Variants in PCNX2 observed in about 807,000 individuals in gnomAD.
PCNX2 encodes pecanex 2, also known as pecanex-like protein 2.
PCNX2 carries 168 observed loss-of-function variants against 223.8 expected under a neutral mutation model. The observed-to-expected ratio is 0.75, with a 90% CI of 0.66 to 0.85. The LOEUF (loss-of-function observed/expected upper bound fraction) is 0.85, where lower values mean the gene tolerates loss of function less well. Among genes scored for constraint, PCNX2 ranks in the 40% least tolerant of loss-of-function variants. PCNX2 has a pLI of 0.00. For missense variants in PCNX2, 2,507 were observed against 2,675.5 expected, an observed-to-expected ratio of 0.94 and a Z score of 1.39; for synonymous variants, 1,006 against 1,052.6, an observed-to-expected ratio of 0.96 and a Z score of 0.86.
chr1:233,066,055 TCAGC>T (rs1672594366), intron 23 of PCNX2, among the ~76,000 whole-genome samples: 1 of 152,216 alleles, frequency 6.6e-6, no homozygotes, highest in African/African-American at 2.4e-5. Flanking sequence ...AACCCTGGAC[TCAGC>T]CACACTTTGG....
At chr1:233,288,778 G>C (rs181341470) in intron 1 of PCNX2, 124 of 653,114 alleles carry the variant, frequency 1.9e-4, no homozygotes, top group Middle Eastern at 8.4e-4. Flanking sequence ...AGTTCTTTTG[G>C]AGGCCCAGGA....
Position 233,014,386 on chromosome 1 carries a change from C to T in PCNX2, c.4952+279G>A, listed in dbSNP as rs575534692. Among the ~76,000 whole-genome samples the T allele has an allele frequency of 3.3e-5, 5 of 152,200 alleles. No homozygotes were observed. In the South Asian group the frequency reaches 8.3e-4, roughly 25 times the overall value. ...GCATGATTTCATTGAATCTTCCCAG[C>T]GAATCTGCAAGGACTTCTGTAACAC... is the stretch of plus-strand genomic sequence containing the variant. On this transcript the variant is annotated intron_variant, in intron 28 of 33. Coordinates refer to ENST00000258229, the MANE Select transcript of PCNX2 (RefSeq NM_014801.4).
chr1:233,024,397 C>T (rs543583738), intron 26 of PCNX2, among the ~76,000 whole-genome samples: 7 of 152,296 alleles, frequency 4.6e-5, no homozygotes, highest in African/African-American at 1.7e-4. Flanking sequence ...GGTGACGTTC[C>T]TGTGGTCCAT....
intron 19 of PCNX2, among the ~76,000 whole-genome samples, chr1:233,155,403 T>C (rs1357053832): frequency 6.6e-6 from 1 of 152,214 alleles, no homozygotes; most frequent in East Asian, 1.9e-4. Context: ...TACATCTTAG[T>C]CATTCCTACG....
chr1:233,220,872 T>A (rs1657334094), intron 10 of PCNX2, among the ~76,000 whole-genome samples: 1 of 152,230 alleles, frequency 6.6e-6, no homozygotes, highest in Non-Finnish European at 1.5e-5. Flanking sequence ...GGACTTTTTA[T>A]ATATAATTTC....
chr1:233,139,930 T>A lies in PCNX2; in HGVS notation c.3518-75A>T. On this transcript the variant is annotated intron_variant, in intron 19 of 33. Coordinates refer to ENST00000258229, the MANE Select transcript of PCNX2 (RefSeq NM_014801.4). This position sits in a 1 kb window ranked among gnomAD's most constrained non-coding sequence, Gnocchi z 4.4. The stretch of plus-strand genomic sequence containing the variant: ...TTCTTTAAGTACAGGTAATAATAAG[T>A]AATATTCCCCCCCTTTAATTCAAAA... The A allele has an allele frequency of 6.6e-7, 1 of 1,504,180 alleles. No individual in the cohort carries two copies. Among genetic ancestry groups the A allele is most frequent in the Non-Finnish European group, 9.0e-7 (1 of 1,115,974 alleles). The allele number at this position is 1,504,180 out of a possible 1,614,324, so 93.2% of individuals were successfully genotyped here. A position where few individuals can be genotyped will look rare whatever the true frequency, so the allele number is the denominator to read the frequency against.
intron 21 of PCNX2, among the ~76,000 whole-genome samples, chr1:233,117,524 C>A (rs970699566): frequency 6.6e-6 from 1 of 150,428 alleles, no homozygotes; most frequent in African/African-American, 2.4e-5. Context: ...AGGCGTGAAC[C>A]CGGGAGGCGG....
At chr1:233,265,717 G>T (rs1020319839) in intron 1 of PCNX2, among the ~76,000 whole-genome samples, 6 of 152,064 alleles carry the variant, frequency 3.9e-5, no homozygotes, top group Admixed American at 3.9e-4. Context: ...TTAATAACAG[G>T]GGGGTCCATT....
At chr1:233,067,221 G>A (rs1024726442) in intron 23 of PCNX2, among the ~76,000 whole-genome samples, 2 of 151,080 alleles carry the variant, frequency 1.3e-5, no homozygotes, top group Non-Finnish European at 2.9e-5. Flanking sequence ...CAAACAGGAA[G>A]ACCTCAAAAT....
intron 17 of PCNX2, among the ~76,000 whole-genome samples, chr1:233,171,392 T>A (rs1180508444): frequency 6.6e-6 from 1 of 152,184 alleles, no homozygotes; most frequent in African/African-American, 2.4e-5. Context: ...AATGAGGGTC[T>A]CTGAGCTTTT....
the PCNX2 span, among the ~76,000 whole-genome samples, chr1:233,300,811 C>G: frequency 6.6e-6 from 1 of 152,154 alleles, no homozygotes; most frequent in South Asian, 2.1e-4. Context: ...TCCACCCCAG[C>G]CTCTGTCTTG....
Position 233,095,737 on chromosome 1 carries a change from T to A in PCNX2, c.3946+18A>T. On this transcript the variant is annotated intron_variant, in intron 22 of 33. Transcript: ENST00000258229. ...GTGAATCTCAGCTGGAGGGTGAAAA[T>A]AGAAGCAGAAAGGATACGAGGAATG... 1 of 1,558,104 alleles carries A rather than the reference T, an allele frequency of 6.4e-7. No homozygotes were observed. The highest frequency in any genetic ancestry group is 8.8e-7 in the Non-Finnish European group (1 of 1,137,868).
intron 1 of PCNX2, among the ~76,000 whole-genome samples, chr1:233,264,404 A>T (rs975345611): frequency 6.6e-6 from 1 of 152,234 alleles, no homozygotes; most frequent in Non-Finnish European, 1.5e-5. Context: ...GCTTGCAGAC[A>T]GCAGGGCCCA....
intron 9 of PCNX2, among the ~76,000 whole-genome samples, chr1:233,236,306 T>C (rs746810141): frequency 1.2e-4 from 18 of 152,136 alleles, no homozygotes; most frequent in Non-Finnish European, 2.2e-4. Flanking sequence ...CCCAAGAGTC[T>C]CATTAAAGGT....
intron 26 of PCNX2, among the ~76,000 whole-genome samples, chr1:233,020,743 T>C (rs1443812760): frequency 2.6e-5 from 4 of 152,212 alleles, no homozygotes; most frequent in Non-Finnish European, 5.9e-5. Flanking sequence ...AAGCGGGTTT[T>C]AAACACTAAT....
rs779973030 is a variant in PCNX2 at position 233,217,950 on chromosome 1, G to A, written c.2659-19C>T. 1.2e-6 allele frequency: 2 copies of A among 1,613,644 alleles called. No homozygotes were observed. The highest frequency in any genetic ancestry group is 2.2e-5 in the East Asian group (1 of 44,866). ...GAACACTCTAAAACACAAATCAGAA[G>A]TGTCTGTGTCATCATCTCATGATTT... On this transcript the variant is annotated intron_variant, in intron 11 of 33. Transcript: ENST00000258229.
intron 19 of PCNX2, 150 bp from the exon 20 acceptor site, chr1:233,140,005 C>G (rs1242958664): frequency 2.2e-6 from 2 of 917,770 alleles, no homozygotes; most frequent in East Asian, 5.3e-5. Flanking sequence ...CATTTTTTTC[C>G]AGGCAGCAAC....
chr1:233,048,938 C>G (rs141038314), intron 25 of PCNX2, among the ~76,000 whole-genome samples: 62 of 152,268 alleles, frequency 4.1e-4, no homozygotes, highest in African/African-American at 1.4e-3. Context: ...GAAACACACA[C>G]TCTTCCAAGA....
chr1:232,986,410 G>C lies in PCNX2; in HGVS notation c.5922C>G (p.His1974Gln). The change falls in exon 33 of 34, where the codon CAC (histidine) becomes CAG (glutamine). Residue 1974 changes from histidine to glutamine, a missense_variant. Coordinates refer to ENST00000258229, the MANE Select transcript of PCNX2 (RefSeq NM_014801.4). Reference protein sequence around the residue: ...QTFLQTSTSVHELAQRLSGSR... With the variant: ...QTFLQTSTSVQELAQRLSGSR... ...TGCCCGAGAGCCTCTGGGCCAGCTC[G>C]TGCACTGAGGTGGACGTCTGGAGGA... is the stretch of plus-strand genomic sequence containing the variant. The C allele has an allele frequency of 3.1e-6, 5 of 1,605,390 alleles. No individual in the cohort carries two copies. The highest frequency in any genetic ancestry group is 4.3e-6 in the Non-Finnish European group (5 of 1,176,086).
Sources: gnomAD v4.1 joint callset for allele counts (sites outside exome capture counted in the v4.1 genomes callset) on GRCh38, gnomAD v4.1.1 for gene constraint, Gnocchi (gnomAD v3.1) non-coding constraint, MANE v1.5 for transcripts, NCBI Gene and HGNC (gene_info 2026-07-23, HGNC 2026-07-21) for gene names.